The following SGTB variants were observed in gnomAD, a reference collection of about 807,000 sequenced individuals.
SGTB encodes the protein small glutamine rich tetratricopeptide repeat co-chaperone beta, also known as small glutamine-rich tetratricopeptide repeat-containing protein beta.
Under a neutral mutation model 43.9 loss-of-function variants are expected in SGTB, and 19 were observed. The observed-to-expected ratio is 0.43, with a 90% CI of 0.30 to 0.63. The LOEUF (loss-of-function observed/expected upper bound fraction) is 0.63, where lower values mean the gene tolerates loss of function less well. Among genes scored for constraint, SGTB ranks in the 30% least tolerant of loss-of-function variants. The probability of loss-of-function intolerance (pLI) is 0.12; values close to 1 mark genes in which losing one functional copy is unlikely to be tolerated. For synonymous variants in SGTB, 116 were observed against 117.3 expected, an observed-to-expected ratio of 0.99 and a Z score of 0.07; for missense variants, 304 against 358.9, an observed-to-expected ratio of 0.85 and a Z score of 1.24.
chr5:65,715,782 G>T (rs1279703787), intron 2 of SGTB, among the ~76,000 whole-genome samples: 2 of 152,124 alleles, frequency 1.3e-5, no homozygotes, highest in Admixed American at 6.5e-5. Context: ...TGTTGTTGTT[G>T]TTTTTGAGAC....
chr5:65,678,168 T>C (rs1397589745), intron 8 of SGTB, among the ~76,000 whole-genome samples: 1 of 152,204 alleles, frequency 6.6e-6, no homozygotes, highest in Non-Finnish European at 1.5e-5. Flanking sequence ...ACAAAATCAA[T>C]GTGCAAAAAT....
At chr5:65,687,453 G>C (rs1359790515) in intron 5 of SGTB, among the ~76,000 whole-genome samples, 1 of 152,190 alleles carries the variant, frequency 6.6e-6, no homozygotes, top group Non-Finnish European at 1.5e-5. Context: ...TCAGAAAGGA[G>C]ATTTCAAGAA....
intron 5 of SGTB, among the ~76,000 whole-genome samples, chr5:65,700,332 G>A (rs1757787462): frequency 6.6e-6 from 1 of 152,148 alleles, no homozygotes; most frequent in South Asian, 2.1e-4. Context: ...GAAAAGAAAA[G>A]TGAACATGGT....
intron 6 of SGTB, among the ~76,000 whole-genome samples, chr5:65,682,547 C>A (rs566807682): frequency 2.9e-4 from 44 of 152,248 alleles, no homozygotes; most frequent in African/African-American, 9.6e-4. Flanking sequence ...AAGATATATA[C>A]AGAAACTAGA....
Position 65,708,384 on chromosome 5 carries a change from A to G in SGTB, c.274+105T>C, listed in dbSNP as rs1048887512. 3.0e-5 allele frequency: 28 copies of G among 936,340 alleles called. No individual in the cohort carries two copies. The African/African-American group carries it at 4.2e-4, about 14-fold the overall frequency. 58.0% of individuals were successfully genotyped at this position (936,340 alleles called of 1,614,324 possible). A position where few individuals can be genotyped will look rare whatever the true frequency, so the allele number is the denominator to read the frequency against. On this transcript the variant is annotated intron_variant, in intron 4 of 10. Transcript: ENST00000381007. ...TTCGTAATTGCCATGTGCACTTATG[A>G]CAATCTAGTCTTGGTGGTGTAATCA...
At chr5:65,712,922 G>T in intron 3 of SGTB, 39 bp downstream of exon 3, 1 of 1,485,590 alleles carries the variant, frequency 6.7e-7, no homozygotes, top group Non-Finnish European at 9.3e-7. Context: ...TAAAATTGTA[G>T]TCATATCAGT....
intron 8 of SGTB, among the ~76,000 whole-genome samples, chr5:65,672,664 G>A (rs1757182189): frequency 6.6e-6 from 1 of 152,050 alleles, no homozygotes; most frequent in East Asian, 1.9e-4. Context: ...TGCTCCATGG[G>A]GCCCAGCAAT....
chr5:65,691,077 G>T (rs1009901280), intron 5 of SGTB, among the ~76,000 whole-genome samples: 2 of 152,194 alleles, frequency 1.3e-5, no homozygotes, highest in Non-Finnish European at 2.9e-5. Flanking sequence ...TGGTGGTAAT[G>T]GAAGAAGGGT....
At chr5:65,700,060 A>AAT (rs757997769) in intron 5 of SGTB, among the ~76,000 whole-genome samples, 2 of 152,226 alleles carry the variant, frequency 1.3e-5, no homozygotes, top group Admixed American at 6.5e-5. Context: ...AGAGGGATGT[A>AAT]ATATACCAAA....
At chr5:65,708,091 A>C (rs1449634512) in intron 4 of SGTB, among the ~76,000 whole-genome samples, 1 of 152,268 alleles carries the variant, frequency 6.6e-6, no homozygotes, top group Admixed American at 6.5e-5. Context: ...AACAAGTACC[A>C]TGTGCCTACC....
At chr5:65,697,929 A>G (rs1757742284) in intron 5 of SGTB, among the ~76,000 whole-genome samples, 1 of 152,232 alleles carries the variant, frequency 6.6e-6, no homozygotes, top group Non-Finnish European at 1.5e-5. Flanking sequence ...TGAATCTCAA[A>G]ACCGTTACGC....
chr5:65,681,541 G>A (rs1186838571), intron 6 of SGTB, among the ~76,000 whole-genome samples: 1 of 151,590 alleles, frequency 6.6e-6, no homozygotes, highest in Non-Finnish European at 1.5e-5. Context: ...TCTCTTTATC[G>A]GAACCTAATT....
intron 2 of SGTB, among the ~76,000 whole-genome samples, chr5:65,719,541 C>T (rs916966675): frequency 2.0e-5 from 3 of 151,964 alleles, no homozygotes; most frequent in African/African-American, 4.8e-5. Flanking sequence ...TGCAGTGAGC[C>T]GAGATTGTGC....
chr5:65,716,144 A>T lies in SGTB; in HGVS notation c.101-3080T>A, dbSNP rs189287170. 1.2e-3 allele frequency among the ~76,000 whole-genome samples: 176 copies of T among 152,276 alleles called. 3 individuals carry two copies. Among genetic ancestry groups the T allele is most frequent in the African/African-American group, 4.0e-3 (168 of 41,558 alleles). On this transcript the variant is annotated intron_variant, in intron 2 of 10. Transcript: ENST00000381007. ...GAGATTTGACAAAGACTTAAAGGAG[A>T]CGGGGGTGTTAGCATTATCTGTGAA...
At chr5:65,673,116 T>C (rs1385703998) in intron 8 of SGTB, among the ~76,000 whole-genome samples, 1 of 152,178 alleles carries the variant, frequency 6.6e-6, no homozygotes, top group African/African-American at 2.4e-5. Context: ...CTAGAGGAAA[T>C]TTAGAACAGA....
Position 65,680,733 on chromosome 5 carries a change from C to T in SGTB, c.541G>A (p.Asp181Asn). ...EAVTSYQKALDLDPENDSYKS... is the reference protein window; with the variant it reads ...EAVTSYQKALNLDPENDSYKS... ...TAGGAATCATTTTCAGGGTCAAGAT[C>T]TAATGCCTTTTGATAACTTGTAACT... The change falls in exon 7 of 11, where the codon GAT (aspartate) becomes AAT (asparagine). Residue 181 changes from aspartate (D) to asparagine (N), a missense_variant. Transcript: ENST00000381007. 1 of 1,614,052 alleles carries T rather than the reference C, an allele frequency of 6.2e-7. No individual in the cohort carries two copies. Among genetic ancestry groups the T allele is most frequent in the Non-Finnish European group, 8.5e-7 (1 of 1,179,994 alleles).
chr5:65,720,637 G>A, intron 2 of SGTB, 71 bp downstream of exon 2: 1 of 1,539,180 alleles, frequency 6.5e-7, no homozygotes, highest in Non-Finnish European at 8.7e-7. Flanking sequence ...AGATCATCAA[G>A]TTGGGCTTAC....
chr5:65,710,613 T>A (rs1247518200), intron 3 of SGTB, among the ~76,000 whole-genome samples: 1 of 152,216 alleles, frequency 6.6e-6, no homozygotes, highest in African/African-American at 2.4e-5. Flanking sequence ...ATCGTCATGC[T>A]ATTTCAGGTG....
chr5:65,696,957 C>A (rs1043263109), intron 5 of SGTB, among the ~76,000 whole-genome samples: 1 of 152,072 alleles, frequency 6.6e-6, no homozygotes, highest in Non-Finnish European at 1.5e-5. Flanking sequence ...TTAGTTCATC[C>A]TAGTGAGTTG....
Sources: allele counts gnomAD v4.1 joint callset (sites outside exome capture counted in the v4.1 genomes callset), GRCh38; gene constraint gnomAD v4.1.1; transcripts MANE v1.5; gene names NCBI Gene and HGNC (gene_info 2026-07-23, HGNC 2026-07-21).